Variants in BMP8A observed in about 807,000 individuals in gnomAD.
BMP8A encodes BMP-8A.
A neutral mutation model predicts 36.8 loss-of-function variants in BMP8A; 14 were observed. The ratio of observed to expected loss-of-function variants is 0.38; its 90% confidence interval spans 0.25 to 0.60. The LOEUF (loss-of-function observed/expected upper bound fraction) is 0.60, where lower values mean the gene tolerates loss of function less well. BMP8A is among the 20% of genes least tolerant of loss of function. The probability of loss-of-function intolerance (pLI) is 0.63; values close to 1 mark genes in which losing one functional copy is unlikely to be tolerated. For synonymous variants in BMP8A, 120 were observed against 237.7 expected (o/e 0.50, Z 4.55); for missense variants, 267 against 551.1 (o/e 0.48, Z 5.16).
intron 1 of BMP8A, among the ~76,000 whole-genome samples, chr1:39,499,129 A>G (rs1645231876): frequency 6.6e-6 from 1 of 152,206 alleles, no homozygotes; most frequent in Admixed American, 6.5e-5. Context: ...CAGCTGAACC[A>G]GAGACAGCAA....
chr1:39,511,112 C>T (rs1190775721), intron 1 of BMP8A, 62 bp from the exon 2 acceptor site: 1 of 1,527,082 alleles, frequency 6.5e-7, no homozygotes, highest in Non-Finnish European at 8.9e-7. Flanking sequence ...CTCACACCAG[C>T]TCTGCCCCCT....
intron 5 of BMP8A, 35 bp downstream of exon 5, chr1:39,522,517 A>G (rs1645436598): frequency 6.2e-7 from 1 of 1,612,102 alleles, no homozygotes; most frequent in African/African-American, 1.3e-5. Flanking sequence ...TGAAATGACA[A>G]TCACCACCTG....
intron 1 of BMP8A, among the ~76,000 whole-genome samples, chr1:39,500,826 G>A (rs1167552113): frequency 1.3e-5 from 2 of 151,938 alleles, no homozygotes; most frequent in African/African-American, 4.8e-5. Flanking sequence ...CTAATTTTTT[G>A]TATTTTTAGT....
intron 1 of BMP8A, among the ~76,000 whole-genome samples, chr1:39,507,803 A>C (rs1645314665): frequency 6.6e-6 from 1 of 152,206 alleles, no homozygotes; most frequent in African/African-American, 2.4e-5. Context: ...GGCTCTTCAC[A>C]GTTTTCATTT....
At chr1:39,492,874 G>C (rs1465079780) in intron 1 of BMP8A, among the ~76,000 whole-genome samples, 1 of 152,150 alleles carries the variant, frequency 6.6e-6, no homozygotes, top group East Asian at 1.9e-4. Flanking sequence ...GCTGGGGCAG[G>C]GACTGTGGCC....
At chr1:39,519,785 T>C (rs1645418198) in intron 3 of BMP8A, among the ~76,000 whole-genome samples, 1 of 150,470 alleles carries the variant, frequency 6.6e-6, no homozygotes, top group African/African-American at 2.4e-5. Flanking sequence ...TCTGAGCGTA[T>C]GTGCATCTGT....
At chr1:39,522,775 G>A (rs1221299961) in intron 5 of BMP8A, among the ~76,000 whole-genome samples, 6 of 152,182 alleles carry the variant, frequency 3.9e-5, no homozygotes, top group African/African-American at 1.4e-4. Context: ...CTGCAGCTCT[G>A]GGAGGTGTGG....
In BMP8A at chr1:39,527,275, C is replaced by T. The variant is rs963686244; in HGVS notation, c.*1477C>T. ...GGTTTGTCTCGGCCTCCACTGTTCC[C>T]GGAAACCGCTGTTCTCCTTGGAACA... is the stretch of plus-strand genomic sequence containing the variant. On this transcript the variant is annotated 3_prime_UTR_variant, in exon 7 of 7. Transcript: ENST00000331593. Among the ~76,000 whole-genome samples, 1 of 152,154 alleles carries T rather than the reference C, an allele frequency of 6.6e-6. No homozygotes were observed. The highest frequency in any genetic ancestry group is 1.9e-4 in the East Asian group (1 of 5,198).
chr1:39,494,392 C>G (rs942128891), intron 1 of BMP8A, among the ~76,000 whole-genome samples: 38 of 149,244 alleles, frequency 2.5e-4, no homozygotes, highest in Non-Finnish European at 4.3e-4. Flanking sequence ...ACTGCATTCC[C>G]CAGGCTGGAG....
In BMP8A at chr1:39,492,241, A is replaced by G. The variant is rs4660269; in HGVS notation, c.250A>G (p.Met84Val). 0.86 allele frequency: 1,343,761 copies of G among 1,555,700 alleles called. 590,989 individuals are homozygous for G. The highest frequency in any genetic ancestry group is 0.9 in the Non-Finnish European group (1,044,033 of 1,162,280). The change falls in exon 1 of 7, where the codon ATG (methionine) becomes GTG (valine). Residue 84 changes from methionine to valine, a missense_variant. Met to Val is a conservative substitution (Grantham distance 21). This residue lies in a region of BMP8A where 21 missense variants were observed against 59.2 expected (regional missense o/e 0.35). Coordinates refer to ENST00000331593, the MANE Select transcript of BMP8A (RefSeq NM_181809.4). The stretch of plus-strand genomic sequence containing the variant: ...CTTCATGCTGGACCTGTACCACGCC[A>G]TGGCTGGCGACGACGACGAGGACGG... Reference protein sequence around the residue: ...PLFMLDLYHAMAGDDDEDGAP... With the variant: ...PLFMLDLYHAVAGDDDEDGAP...
intron 1 of BMP8A, among the ~76,000 whole-genome samples, chr1:39,494,037 A>G (rs1479322353): frequency 6.6e-6 from 1 of 152,176 alleles, no homozygotes; most frequent in Non-Finnish European, 1.5e-5. Context: ...GTTGCTCCTT[A>G]TAAAAGGAGG....
rs1164488462 is a variant in BMP8A, at chr1:39,525,998, C to T, written c.*200C>T. The stretch of plus-strand genomic sequence containing the variant: ...TGGGGTTTGTGGCTGTCACTCTGCC[C>T]GACACTTTGGTGGCCTAAGGCACAC... On this transcript the variant is annotated 3_prime_UTR_variant, in exon 7 of 7. Coordinates refer to ENST00000331593, the MANE Select transcript of BMP8A (RefSeq NM_181809.4). 25 of 933,520 alleles carry T rather than the reference C, an allele frequency of 2.7e-5. No homozygotes were observed. The highest frequency in any genetic ancestry group is 1.1e-4 in the Admixed American group (4 of 35,932). 57.8% of individuals were successfully genotyped at this position (933,520 alleles called of 1,614,324 possible).
At position 39,501,417 on chromosome 1, in the gene BMP8A, C is replaced by A. The variant is rs577784729; in HGVS notation, c.334+9092C>A. 3.3e-5 allele frequency among the ~76,000 whole-genome samples: 5 copies of A among 152,290 alleles called. No homozygotes were observed. The East Asian group carries it at 9.6e-4, about 29-fold the overall frequency. On this transcript the variant is annotated intron_variant, in intron 1 of 6. Coordinates refer to ENST00000331593, the MANE Select transcript of BMP8A (RefSeq NM_181809.4). ...AGTCTCACCCTGGAGTGCCATGGCA[C>A]AGTGACAGCTCACTGCAGTCTCCAC...
At position 39,523,698 on chromosome 1, in the gene BMP8A, C is replaced by A. The variant is rs561538084; in HGVS notation, c.1059+581C>A. On this transcript the variant is annotated intron_variant, in intron 6 of 6. Transcript: ENST00000331593. Reference sequence around the variant, plus strand: ...TTGATGCCTTGGTGTCTGGGGCAACCTTAAAGGACAAAAGCAGGCTTCTGA... The same window carrying A: ...TTGATGCCTTGGTGTCTGGGGCAACATTAAAGGACAAAAGCAGGCTTCTGA... 14 of 1,400,614 alleles carry A rather than the reference C, an allele frequency of 1.0e-5. 1 individual carries two copies. In the African/African-American group the frequency reaches 1.1e-4, roughly 11 times the overall value. 86.8% of individuals were successfully genotyped at this position (1,400,614 alleles called of 1,614,324 possible).
rs555655428 is a variant in BMP8A at position 39,518,017 on chromosome 1, G to C, written c.674-3359G>C. 4.0e-4 allele frequency among the ~76,000 whole-genome samples: 61 copies of C among 152,102 alleles called. No homozygotes were observed. In the East Asian group the frequency reaches 0.011, roughly 28 times the overall value. On this transcript the variant is annotated intron_variant, in intron 3 of 6. Transcript: ENST00000331593. ...GGATGGAGGCCCAAACTGGCCACTT[G>C]TGTGATGGTCCGTTGTAACCCAAGA...
chr1:39,509,431 G>A (rs1645331542), intron 1 of BMP8A, among the ~76,000 whole-genome samples: 1 of 152,192 alleles, frequency 6.6e-6, no homozygotes, highest in South Asian at 2.1e-4. Context: ...TCTGCCATCA[G>A]TGATCTCTGC....
chr1:39,493,404 C>G (rs1234729490), intron 1 of BMP8A, among the ~76,000 whole-genome samples: 2 of 152,244 alleles, frequency 1.3e-5, no homozygotes, highest in African/African-American at 4.8e-5. Context: ...GTTGCTGAGC[C>G]AGGACAGGCC....
At chr1:39,503,229 A>G (rs1645267443) in intron 1 of BMP8A, among the ~76,000 whole-genome samples, 1 of 152,272 alleles carries the variant, frequency 6.6e-6, no homozygotes, top group African/African-American at 2.4e-5. Context: ...GTGGTGGTAC[A>G]TGACTGTACA....
intron 6 of BMP8A, chr1:39,523,610 CT>C: frequency 7.0e-7 from 1 of 1,435,786 alleles, no homozygotes; most frequent in Admixed American, 3.0e-5. Context: ...GGCTCTCAAC[CT>C]TTTGGCTTTT....
Sources: allele counts gnomAD v4.1 joint callset (sites outside exome capture counted in the v4.1 genomes callset), GRCh38; gene constraint gnomAD v4.1.1; regional missense constraint gnomAD v4.1.1; transcripts MANE v1.5; gene names NCBI Gene and HGNC (gene_info 2026-07-23, HGNC 2026-07-21).